The following IQUB variants were observed in gnomAD, a reference collection of about 807,000 sequenced individuals.
The protein encoded by IQUB is IQ motif and ubiquitin-like domain-containing protein.
A neutral mutation model predicts 86.4 loss-of-function variants in IQUB; 86 were observed. The observed-to-expected ratio is 1.00, with a 90% CI of 0.84 to 1.19. IQUB has a LOEUF of 1.19. Among genes scored for constraint, IQUB ranks in the 50% most tolerant of loss-of-function variants. IQUB has a pLI of 0.00. For missense variants in IQUB, 946 were observed against 916.9 expected (o/e 1.03, Z -0.41); for synonymous variants, 289 against 304.5 (o/e 0.95, Z 0.53).
chr7:123,531,503 A>G (rs537037837), intron 1 of IQUB, among the ~76,000 whole-genome samples: 3 of 152,232 alleles, frequency 2.0e-5, no homozygotes, highest in African/African-American at 7.2e-5. Context: ...GGTCTCCGTC[A>G]AATGAAAAGT....
At chr7:123,480,032 C>G (rs1310859507) in intron 7 of IQUB, 62 bp from the exon 8 acceptor site, 6 of 1,221,940 alleles carry the variant, frequency 4.9e-6, no homozygotes, top group Non-Finnish European at 5.8e-6. Flanking sequence ...TGATCACATC[C>G]TGATGAGGAG....
intron 1 of IQUB, 148 bp from the exon 2 acceptor site, chr7:123,512,492 G>C: frequency 2.2e-6 from 1 of 450,980 alleles, no homozygotes; most frequent in South Asian, 7.3e-5. Flanking sequence ...AATAGCATCA[G>C]GTTAAAAAAA....
chr7:123,491,634 A>G (rs946406118), intron 7 of IQUB, among the ~76,000 whole-genome samples: 6 of 152,226 alleles, frequency 3.9e-5, no homozygotes, highest in Non-Finnish European at 5.9e-5. Flanking sequence ...AGCTTACTCA[A>G]TGATAAATAA....
At chr7:123,493,773 GTGCA>G (rs1398316824) in intron 7 of IQUB, among the ~76,000 whole-genome samples, 109 of 146,576 alleles carry the variant, frequency 7.4e-4, no homozygotes, top group African/African-American at 2.5e-3. Context: ...GTGTGTGTGT[GTGCA>G]TGTGTGTATA....
intron 7 of IQUB, among the ~76,000 whole-genome samples, chr7:123,489,783 G>C (rs910991023): frequency 1.1e-4 from 16 of 151,708 alleles, no homozygotes; most frequent in African/African-American, 3.6e-4. Context: ...ATATCTGCTA[G>C]GATTTTCAAG....
intron 6 of IQUB, among the ~76,000 whole-genome samples, chr7:123,499,203 T>C (rs1449341293): frequency 6.6e-6 from 1 of 151,992 alleles, no homozygotes; most frequent in Non-Finnish European, 1.5e-5. Context: ...CTCCGCCTCC[T>C]GGGTTCAAGT....
intron 1 of IQUB, among the ~76,000 whole-genome samples, chr7:123,517,213 T>G (rs893154285): frequency 6.6e-6 from 1 of 152,030 alleles, no homozygotes; most frequent in Non-Finnish European, 1.5e-5. Flanking sequence ...ATTAGACAGA[T>G]AAATCTGACC....
chr7:123,501,299 TAG>T (rs1389724924), intron 6 of IQUB: 2 of 152,410 alleles, frequency 1.3e-5, no homozygotes, highest in Non-Finnish European at 2.9e-5. Context: ...GATGACATCA[TAG>T]AGTCACCACC....
chr7:123,453,456 T>A (rs1322003715), intron 12 of IQUB, among the ~76,000 whole-genome samples: 1 of 149,944 alleles, frequency 6.7e-6, no homozygotes, highest in Non-Finnish European at 1.5e-5. Flanking sequence ...TATATATATA[T>A]AATTGAATAA....
At chr7:123,476,474 C>G (rs181456455) in intron 8 of IQUB, among the ~76,000 whole-genome samples, 1 of 152,016 alleles carries the variant, frequency 6.6e-6, no homozygotes, top group East Asian at 1.9e-4. Flanking sequence ...GGCAGTGATA[C>G]AACAGTGAGA....
At chr7:123,500,796 A>T (rs898574644) in intron 6 of IQUB, among the ~76,000 whole-genome samples, 1 of 152,068 alleles carries the variant, frequency 6.6e-6, no homozygotes, top group Non-Finnish European at 1.5e-5. Context: ...TACTAAGTCA[A>T]GTTAACACTT....
At chr7:123,515,884 C>T (rs1796613504) in intron 1 of IQUB, among the ~76,000 whole-genome samples, 1 of 152,068 alleles carries the variant, frequency 6.6e-6, no homozygotes, top group Admixed American at 6.6e-5. Context: ...ATGACAAATC[C>T]TAGGGTTAGA....
chr7:123,502,491 G>C (rs1281482789), intron 6 of IQUB, 106 bp downstream of exon 6: 1 of 936,346 alleles, frequency 1.1e-6, no homozygotes, highest in Non-Finnish European at 1.7e-6. Context: ...CCATACTCAT[G>C]AGCATTCTTT....
At chr7:123,479,713 T>C (rs1242915897) in intron 8 of IQUB, 82 bp downstream of exon 8, 15 of 983,668 alleles carry the variant, frequency 1.5e-5, no homozygotes, top group South Asian at 1.1e-4. Context: ...GTTCTTGCAA[T>C]CTAAGTCTCT....
At chr7:123,480,572 C>T (rs1364381520) in intron 7 of IQUB, among the ~76,000 whole-genome samples, 3 of 152,122 alleles carry the variant, frequency 2.0e-5, no homozygotes, top group South Asian at 2.1e-4. Flanking sequence ...CCTCTCTCAA[C>T]TGATGAGGTG....
Position 123,512,253 on chromosome 7 carries a change from G to A in IQUB, c.88C>T (p.Pro30Ser), listed in dbSNP as rs768758295. Residue 30 changes from proline to serine, a missense_variant, in exon 2 of 13, where the codon CCA (proline) becomes TCA (serine). Coordinates refer to ENST00000324698, the MANE Select transcript of IQUB (RefSeq NM_178827.5). ...TCTTGAGGCTCTTCTGAGGGAACTG[G>A]AATAGTGACAGTATCAAAAGCATCA... The part of the protein sequence containing the change: ...SDDAFDTVTI[P>S]VPSEEPQESD... The A allele has an allele frequency of 5.0e-6, 8 of 1,613,104 alleles. No individual in the cohort carries two copies. The East Asian group carries it at 1.1e-4, about 22-fold the overall frequency.
chr7:123,485,079 T>C (rs1429312179), intron 7 of IQUB, among the ~76,000 whole-genome samples: 1 of 152,084 alleles, frequency 6.6e-6, no homozygotes, highest in African/African-American at 2.4e-5. Context: ...AGGATGATAA[T>C]TAAAAAATTG....
At chr7:123,505,244 C>T (rs774389778) in intron 3 of IQUB, among the ~76,000 whole-genome samples, 25 of 152,306 alleles carry the variant, frequency 1.6e-4, no homozygotes, top group Middle Eastern at 3.4e-3. Context: ...TGAGTGTCTG[C>T]GGCTTTGCCA....
rs377080128 is a variant in IQUB, at chr7:123,502,947, C to T, written c.864G>A (p.Thr288=). The T allele has an allele frequency of 9.5e-5, 152 of 1,607,546 alleles. No individual in the cohort carries two copies. Among genetic ancestry groups the T allele is most frequent in the Middle Eastern group, 1.7e-4 (1 of 6,026 alleles). ...PERLSIFCRD[T]QTVFQKKNLQ... Reference sequence around the variant, plus strand: ...AAGAGACAAATAAAAACATTACCTGCGTATCCCTACAAAATATACTGAGTC... The same window carrying T: ...AAGAGACAAATAAAAACATTACCTGTGTATCCCTACAAAATATACTGAGTC... The change falls in exon 5 of 13, where the codon ACG becomes ACA. Residue 288 remains threonine, a synonymous_variant. Coordinates refer to ENST00000324698, the MANE Select transcript of IQUB (RefSeq NM_178827.5).
Sources: gnomAD v4.1 joint callset for allele counts (sites outside exome capture counted in the v4.1 genomes callset) on GRCh38, gnomAD v4.1.1 for gene constraint, MANE v1.5 for transcripts, NCBI Gene and HGNC (gene_info 2026-07-23, HGNC 2026-07-21) for gene names.